Variants in BICC1 observed in about 807,000 individuals in gnomAD.
BICC1 encodes the protein BicC family RNA binding protein 1.
In BICC1, 43 loss-of-function variants were observed where a neutral mutation model predicts 111.0. That is an observed-to-expected ratio of 0.39 (90% CI 0.30 to 0.50). The LOEUF is 0.50. Among genes scored for constraint, BICC1 ranks in the 20% least tolerant of loss-of-function variants. The pLI, the probability that BICC1 is intolerant of heterozygous loss-of-function variation, is 0.88. For synonymous variants in BICC1, 467 were observed against 434.4 expected (o/e 1.07, Z -0.93); for missense variants, 1,091 against 1,203.2 (o/e 0.91, Z 1.38).
chr10:58,785,869 T>G (rs1161309574), intron 4 of BICC1, among the ~76,000 whole-genome samples: 2 of 152,198 alleles, frequency 1.3e-5, no homozygotes, highest in African/African-American at 2.4e-5. Flanking sequence ...TGGCATTTCA[T>G]TAGAATGATC....
chr10:58,828,963 A>G lies in BICC1; in HGVS notation c.*72A>G. The G allele has an allele frequency of 1.3e-6, 2 of 1,580,714 alleles. No homozygotes were observed. Among genetic ancestry groups the G allele is most frequent in the East Asian group, 2.3e-5 (1 of 44,430 alleles). On this transcript the variant is annotated 3_prime_UTR_variant, in exon 21 of 21. Transcript: ENST00000373886. Reference sequence around the variant, plus strand: ...CAGGAGATGTATGAACAGCCTTCACAGCACACCATCCTTAGCACTCTGGGT... The same window carrying G: ...CAGGAGATGTATGAACAGCCTTCACGGCACACCATCCTTAGCACTCTGGGT...
chr10:58,556,077 G>A (rs1843442315), intron 1 of BICC1, among the ~76,000 whole-genome samples: 1 of 151,986 alleles, frequency 6.6e-6, no homozygotes, highest in Admixed American at 6.6e-5. Context: ...TTCGAGTGTT[G>A]GGGGATAGTT....
intron 2 of BICC1, among the ~76,000 whole-genome samples, chr10:58,667,756 A>G (rs935265375): frequency 1.3e-5 from 2 of 152,116 alleles, no homozygotes; most frequent in African/African-American, 4.8e-5. Flanking sequence ...ATGAGGAAAT[A>G]GAGTGTCAGA....
At chr10:58,604,858 C>T (rs1235274364) in intron 1 of BICC1, among the ~76,000 whole-genome samples, 3 of 152,124 alleles carry the variant, frequency 2.0e-5, no homozygotes, top group Non-Finnish European at 4.4e-5. Flanking sequence ...AGTTCATGAT[C>T]AAGGTGCTGG....
At chr10:58,778,452 A>C (rs940567268) in intron 3 of BICC1, among the ~76,000 whole-genome samples, 2 of 152,194 alleles carry the variant, frequency 1.3e-5, no homozygotes, top group African/African-American at 2.4e-5. Context: ...TGTTATATGT[A>C]TTATATACAG....
chr10:58,623,703 C>T (rs1314215125), intron 2 of BICC1, among the ~76,000 whole-genome samples: 2 of 152,134 alleles, frequency 1.3e-5, no homozygotes, highest in African/African-American at 2.4e-5. Context: ...CCTTCATCTC[C>T]GTTGTTGAAG....
At chr10:58,706,523 T>TA (rs1840391997) in intron 3 of BICC1, among the ~76,000 whole-genome samples, 1 of 152,202 alleles carries the variant, frequency 6.6e-6, no homozygotes, top group South Asian at 2.1e-4. Flanking sequence ...CGGTAAATGA[T>TA]ATGGTTTGGC....
intron 5 of BICC1, among the ~76,000 whole-genome samples, chr10:58,787,309 A>G (rs559801192): frequency 4.3e-4 from 65 of 152,322 alleles, no homozygotes; most frequent in African/African-American, 1.5e-3. Context: ...CATTGATAAA[A>G]AATAGCGGAA....
chr10:58,513,427 C>T (rs890000259), intron 1 of BICC1, 94 bp downstream of exon 1: 309 of 1,262,422 alleles, frequency 2.4e-4, no homozygotes, highest in Non-Finnish European at 3.2e-4. Flanking sequence ...CTACTCCAGC[C>T]TACGGCCGGC....
At chr10:58,738,203 A>G (rs867534375) in intron 3 of BICC1, among the ~76,000 whole-genome samples, 1 of 152,186 alleles carries the variant, frequency 6.6e-6, no homozygotes, top group Non-Finnish European at 1.5e-5. Context: ...GTTTTCTTCT[A>G]GGGTTTTTAT....
At chr10:58,577,637 G>A (rs1844151500) in intron 1 of BICC1, among the ~76,000 whole-genome samples, 2 of 152,128 alleles carry the variant, frequency 1.3e-5, no homozygotes, top group South Asian at 2.1e-4. Context: ...TTTATCCAAA[G>A]GTTTTTGGCT....
At chr10:58,682,023 C>G (rs1832016312) in intron 2 of BICC1, among the ~76,000 whole-genome samples, 1 of 125,662 alleles carries the variant, frequency 8.0e-6, no homozygotes, top group African/African-American at 2.9e-5. Context: ...CTCCCTCCCC[C>G]CACCCCATGA....
chr10:58,705,860 A>C (rs908123250), intron 3 of BICC1, among the ~76,000 whole-genome samples: 7 of 152,192 alleles, frequency 4.6e-5, no homozygotes, highest in South Asian at 2.1e-4. Context: ...ATTTTTTAAA[A>C]CATCTCTAGA....
Position 58,796,325 on chromosome 10 carries a change from T to A in BICC1, c.1180-15T>A. 6.2e-7 allele frequency: 1 copy of A among 1,609,884 alleles called. No individual in the cohort carries two copies. Among genetic ancestry groups the A allele is most frequent in the Non-Finnish European group, 8.5e-7 (1 of 1,177,202 alleles). On this transcript the variant is annotated splice_polypyrimidine_tract_variant and intron_variant, in intron 9 of 20. Transcript: ENST00000373886. ...TTGCATGTCACCTTTTTTCCCCCAT[T>A]ATGTGTTTTCATAGTCTGTGATTGT...
At chr10:58,680,677 T>C (rs540559073) in intron 2 of BICC1, among the ~76,000 whole-genome samples, 2 of 152,326 alleles carry the variant, frequency 1.3e-5, no homozygotes, top group East Asian at 1.9e-4. Flanking sequence ...AAATCTACTT[T>C]AAATTTCATG....
chr10:58,793,947 T>C (rs889679587), intron 9 of BICC1, among the ~76,000 whole-genome samples: 1 of 152,216 alleles, frequency 6.6e-6, no homozygotes, highest in African/African-American at 2.4e-5. Context: ...ATAATATATA[T>C]GTCATTATAT....
At chr10:58,721,409 C>T (rs1453475029) in intron 3 of BICC1, among the ~76,000 whole-genome samples, 1 of 152,100 alleles carries the variant, frequency 6.6e-6, no homozygotes, top group Non-Finnish European at 1.5e-5. Context: ...ATTATTATGC[C>T]ATGGAAAAAT....
rs1444759906 is a variant in BICC1 at position 58,785,015 on chromosome 10, G to C, written c.322G>C (p.Val108Leu). ...AKSKKDPHIK[V>L]SGKKEDVKEA... ...CTTTCTTATAGATCCCCATATTAAGGTTTCTGGAAAGAAAGAAGATGTTAA... is the reference window on the plus strand; with the variant it reads ...CTTTCTTATAGATCCCCATATTAAGCTTTCTGGAAAGAAAGAAGATGTTAA... The change falls in exon 4 of 21, where the codon GTT (valine) becomes CTT (leucine). Residue 108 changes from valine to leucine, a missense_variant. Physicochemically the swap from Val to Leu is conservative, Grantham distance 32 (BLOSUM62 1). Coordinates refer to ENST00000373886, the MANE Select transcript of BICC1 (RefSeq NM_001080512.3). 1 of 1,591,160 alleles carries C rather than the reference G, an allele frequency of 6.3e-7. No homozygotes were observed. Among genetic ancestry groups the C allele is most frequent in the South Asian group, 1.1e-5 (1 of 88,854 alleles).
intron 2 of BICC1, among the ~76,000 whole-genome samples, chr10:58,642,871 A>AT (rs1338149901): frequency 2.0e-5 from 3 of 151,782 alleles, no homozygotes; most frequent in South Asian, 2.1e-4. Context: ...TGCTCGGCTA[A>AT]TTTTTTTTAC....
Sources: gnomAD v4.1 joint callset for allele counts (sites outside exome capture counted in the v4.1 genomes callset) on GRCh38, gnomAD v4.1.1 for gene constraint, MANE v1.5 for transcripts, NCBI Gene and HGNC (gene_info 2026-07-23, HGNC 2026-07-21) for gene names.